The following BMS1 variants were observed in gnomAD, a reference collection of about 807,000 sequenced individuals.
BMS1 encodes the protein ribosome biogenesis protein BMS1 homolog.
A neutral mutation model predicts 138.7 loss-of-function variants in BMS1; 53 were observed. That is an observed-to-expected ratio of 0.38 (90% CI 0.31 to 0.48). The LOEUF (loss-of-function observed/expected upper bound fraction) is 0.48. Among genes scored for constraint, BMS1 ranks in the 20% least tolerant of loss-of-function variants. The pLI, the probability that BMS1 is intolerant of heterozygous loss-of-function variation, is 0.97. For missense variants in BMS1, 1,360 were observed against 1,565.5 expected, an observed-to-expected ratio of 0.87 and a Z score of 2.22; for synonymous variants, 504 against 539.9, an observed-to-expected ratio of 0.93 and a Z score of 0.92.
At chr10:42,817,953 A>G (rs1842398130) in intron 15 of BMS1, among the ~76,000 whole-genome samples, 1 of 152,190 alleles carries the variant, frequency 6.6e-6, no homozygotes, top group African/African-American at 2.4e-5. Context: ...AGAGTTCAGA[A>G]GGACATGTGG....
intron 5 of BMS1, 94 bp from the exon 6 acceptor site, chr10:42,791,533 C>A (rs1258242080): frequency 7.9e-7 from 1 of 1,270,562 alleles, no homozygotes; most frequent in Non-Finnish European, 1.1e-6. Context: ...AGTCTCCCTT[C>A]TTAGGATTGC....
At chr10:42,792,077 G>A (rs1444379642) in intron 6 of BMS1, among the ~76,000 whole-genome samples, 13 of 152,132 alleles carry the variant, frequency 8.5e-5, no homozygotes, top group East Asian at 3.9e-4. Flanking sequence ...TGAGTCCTTC[G>A]TGTGTGCCTT....
rs1589130106 is a variant in BMS1 at position 42,787,540 on chromosome 10, A to G, written c.447+293A>G. On this transcript the variant is annotated intron_variant, in intron 4 of 22. Transcript: ENST00000374518. Reference sequence around the variant, plus strand: ...AATAAGAGCTCATTAATATGTATACATATATACGTACAAATATATCATAGT... The same window carrying G: ...AATAAGAGCTCATTAATATGTATACGTATATACGTACAAATATATCATAGT... Among the ~76,000 whole-genome samples the G allele has an allele frequency of 1.3e-5, 2 of 152,234 alleles. 1 individual carries two copies. Among genetic ancestry groups the G allele is most frequent in the Non-Finnish European group, 2.9e-5 (2 of 68,052 alleles).
intron 9 of BMS1, among the ~76,000 whole-genome samples, chr10:42,794,411 A>G (rs1841608844): frequency 6.6e-6 from 1 of 151,952 alleles, no homozygotes; most frequent in Admixed American, 6.6e-5. Flanking sequence ...GTTTCCGTGG[A>G]TGTATGGCTC....
At position 42,796,585 on chromosome 10, in the gene BMS1, T is replaced by C. The variant is rs751402332; in HGVS notation, c.1341T>C (p.Asp447=). Residue 447 remains aspartate, a synonymous_variant, in exon 10 of 23, where the codon GAT becomes GAC. Coordinates refer to ENST00000374518, the MANE Select transcript of BMS1 (RefSeq NM_014753.4). ...DESGDSDDEE[D]DEMSEDDGLE... Reference sequence around the variant, plus strand: ...CTGGAGATAGTGATGATGAAGAAGATGATGAAATGTCTGAAGATGACGGGT... The same window carrying C: ...CTGGAGATAGTGATGATGAAGAAGACGATGAAATGTCTGAAGATGACGGGT... 5 of 1,614,086 alleles carry C rather than the reference T, an allele frequency of 3.1e-6. No individual in the cohort carries two copies. The South Asian group carries it at 5.5e-5, about 18-fold the overall frequency.
At chr10:42,794,664 T>G (rs577834512) in intron 9 of BMS1, among the ~76,000 whole-genome samples, 1 of 152,022 alleles carries the variant, frequency 6.6e-6, no homozygotes, top group African/African-American at 2.4e-5. Flanking sequence ...CTATTTTCAC[T>G]TTTGCATATC....
chr10:42,802,298 T>C (rs41302251), intron 13 of BMS1, 80 bp downstream of exon 13: 93,611 of 1,220,704 alleles, frequency 0.077, 4,015 homozygotes, highest in Admixed American at 0.12. Context: ...AATAGTCAAA[T>C]TGAAAATAAT....
In BMS1 at chr10:42,820,843, A is replaced by G. The variant is rs563558883; in HGVS notation, c.2951-91A>G. ...TGGTTTGGAGTATATATGTAAATCT[A>G]TATCCAAATCTAAATGTCCATATCC... is the stretch of plus-strand genomic sequence containing the variant. On this transcript the variant is annotated intron_variant, in intron 17 of 22. Transcript: ENST00000374518. The G allele has an allele frequency of 1.4e-4, 171 of 1,244,472 alleles. 2 individuals carry two copies. Among genetic ancestry groups the G allele is most frequent in the South Asian group, 1.2e-3 (98 of 79,350 alleles). The allele number at this position is 1,244,472 out of a possible 1,614,324, so 77.1% of individuals were successfully genotyped here. A position where few individuals can be genotyped will look rare whatever the true frequency, so the allele number is the denominator to read the frequency against.
intron 13 of BMS1, among the ~76,000 whole-genome samples, chr10:42,807,617 A>G (rs1842050201): frequency 6.6e-6 from 1 of 152,128 alleles, no homozygotes; most frequent in East Asian, 1.9e-4. Flanking sequence ...GACTACAGGC[A>G]TGCACCACCG....
intron 19 of BMS1, among the ~76,000 whole-genome samples, chr10:42,822,387 G>A (rs1159513775): frequency 6.6e-6 from 1 of 152,120 alleles, no homozygotes; most frequent in Non-Finnish European, 1.5e-5. Context: ...TTTAGGAATT[G>A]AGGCTGTTAT....
intron 9 of BMS1, among the ~76,000 whole-genome samples, chr10:42,794,574 G>T (rs186336568): frequency 6.7e-6 from 1 of 150,214 alleles, no homozygotes; most frequent in Admixed American, 6.7e-5. Flanking sequence ...TTGGTACAAT[G>T]TGCATAAACT....
At chr10:42,812,099 G>T (rs1417279941) in intron 13 of BMS1, among the ~76,000 whole-genome samples, 2 of 152,134 alleles carry the variant, frequency 1.3e-5, no homozygotes, top group African/African-American at 4.8e-5. Flanking sequence ...GGAGAGTAGG[G>T]TGTTATACGG....
intron 15 of BMS1, among the ~76,000 whole-genome samples, chr10:42,819,458 A>G (rs1013863207): frequency 6.6e-6 from 1 of 152,190 alleles, no homozygotes; most frequent in African/African-American, 2.4e-5. Context: ...TAGCTCCCCT[A>G]TGGGCCAGGT....
chr10:42,830,478 C>A (rs1842770510), intron 22 of BMS1, 56 bp downstream of exon 22: 1 of 1,547,470 alleles, frequency 6.5e-7, no homozygotes, highest in African/African-American at 1.4e-5. Context: ...AGAACACTCT[C>A]AATAGCACAC....
intron 22 of BMS1, 70 bp downstream of exon 22, chr10:42,830,492 C>T (rs1359265466): frequency 6.6e-7 from 1 of 1,524,664 alleles, no homozygotes; most frequent in East Asian, 2.3e-5. Context: ...AGCACACTTC[C>T]TGTTTCTACT....
At chr10:42,826,540 G>T (rs1232794802) in intron 21 of BMS1, among the ~76,000 whole-genome samples, 1 of 152,162 alleles carries the variant, frequency 6.6e-6, no homozygotes, top group Admixed American at 6.5e-5. Context: ...GGGCCCTCGG[G>T]GGCAGGGACC....
At chr10:42,812,660 C>T (rs1842217736) in intron 13 of BMS1, among the ~76,000 whole-genome samples, 1 of 152,136 alleles carries the variant, frequency 6.6e-6, no homozygotes, top group African/African-American at 2.4e-5. Flanking sequence ...ACCCACAGCT[C>T]AGAGGAGGAC....
chr10:42,818,438 G>A (rs1466533454), intron 15 of BMS1, among the ~76,000 whole-genome samples: 4 of 152,176 alleles, frequency 2.6e-5, no homozygotes, highest in Non-Finnish European at 5.9e-5. Context: ...GAGATCAGTC[G>A]GGTGGCACAA....
chr10:42,807,627 G>A (rs530588145), intron 13 of BMS1, among the ~76,000 whole-genome samples: 7 of 152,136 alleles, frequency 4.6e-5, no homozygotes, highest in Middle Eastern at 3.4e-3. Flanking sequence ...ATGCACCACC[G>A]TGCCTGGCTA....
Sources: allele counts gnomAD v4.1 joint callset (sites outside exome capture counted in the v4.1 genomes callset), GRCh38; gene constraint gnomAD v4.1.1; transcripts MANE v1.5; gene names NCBI Gene and HGNC (gene_info 2026-07-23, HGNC 2026-07-21).